Variants in IL7 observed in about 807,000 individuals in gnomAD.
IL7 encodes interleukin 7, also known as interleukin-7.
In IL7, 3 loss-of-function variants were observed where a neutral mutation model predicts 21.6. The observed-to-expected ratio is 0.14, with a 90% CI of 0.06 to 0.36. IL7 has a LOEUF of 0.36. IL7 is among the 10% of genes least tolerant of loss of function. IL7 has a pLI of 1.00. For synonymous variants in IL7, 62 were observed against 68.1 expected, an observed-to-expected ratio of 0.91 and a Z score of 0.44; for missense variants, 175 against 200.2, an observed-to-expected ratio of 0.87 and a Z score of 0.76.
rs185613499 is a variant in IL7, at chr8:78,761,772, G to A, written c.148-21690C>T. On this transcript the variant is annotated intron_variant, in intron 2 of 5. Coordinates refer to ENST00000263851, the MANE Select transcript of IL7 (RefSeq NM_000880.4). ...GTGTTAACTGCTGTTGTCTCAAACC[G>A]CTTTCTCAGAACCTCTTCACCAGAA... 8.1e-4 allele frequency: 1,303 copies of A among 1,611,924 alleles called. 16 individuals are homozygous for A. The African/African-American group carries it at 0.015, about 19-fold the overall frequency.
At chr8:78,689,342 C>A (rs764732047) in intron 3 of IL7, 2 of 1,596,944 alleles carry the variant, frequency 1.3e-6, no homozygotes, top group Non-Finnish European at 8.5e-7. Context: ...TCTACAGATA[C>A]CAAAGGAAAA....
chr8:78,707,727 T>C (rs1295941161), intron 3 of IL7, among the ~76,000 whole-genome samples: 3 of 152,184 alleles, frequency 2.0e-5, no homozygotes, highest in Non-Finnish European at 4.4e-5. Flanking sequence ...TTCCAACTAC[T>C]GGAAAGAGAG....
At chr8:78,719,389 G>A (rs549761082) in intron 5 of IL7, 1 of 151,566 alleles carries the variant, frequency 6.6e-6, no homozygotes, top group Non-Finnish European at 1.5e-5. Context: ...TAGTTCCAGA[G>A]CCCAGAGATT....
At chr8:78,750,620 G>A (rs1335500397) in intron 2 of IL7, among the ~76,000 whole-genome samples, 2 of 152,084 alleles carry the variant, frequency 1.3e-5, no homozygotes. Flanking sequence ...TCAGGAGATC[G>A]AGACCATCCT....
At chr8:78,798,701 A>G (rs1271275515) in intron 1 of IL7, among the ~76,000 whole-genome samples, 2 of 152,060 alleles carry the variant, frequency 1.3e-5, no homozygotes, top group African/African-American at 2.4e-5. Context: ...CTGGGATTGC[A>G]CTGTAACTAC....
intron 2 of IL7, chr8:78,761,218 G>A (rs2130762638): frequency 3.8e-6 from 6 of 1,594,600 alleles, no homozygotes; most frequent in South Asian, 1.1e-5. Flanking sequence ...CAGAAATTAC[G>A]TTGTCAAGTT....
chr8:78,697,976 G>A (rs1007573175), intron 3 of IL7, among the ~76,000 whole-genome samples: 6 of 151,984 alleles, frequency 3.9e-5, no homozygotes, highest in Non-Finnish European at 5.9e-5. Flanking sequence ...CCGTGGTGCC[G>A]AGCCACTTTT....
chr8:78,728,496 A>G (rs968569232), downstream of IL7, among the ~76,000 whole-genome samples: 1 of 152,070 alleles, frequency 6.6e-6, no homozygotes, highest in Non-Finnish European at 1.5e-5. Flanking sequence ...AAAATTTACA[A>G]TAGTGCAAAG....
At chr8:78,750,570 T>TAA (rs1812132719) in intron 2 of IL7, among the ~76,000 whole-genome samples, 1 of 152,180 alleles carries the variant, frequency 6.6e-6, no homozygotes, top group Non-Finnish European at 1.5e-5. Context: ...ACGCCTGTAA[T>TAA]CCCAGCACTT....
intron 3 of IL7, among the ~76,000 whole-genome samples, chr8:78,707,066 A>G (rs757910032): frequency 3.0e-4 from 45 of 152,170 alleles, no homozygotes; most frequent in Non-Finnish European, 5.7e-4. Flanking sequence ...TTCTCCAATG[A>G]GTTGACTCAT....
intron 2 of IL7, among the ~76,000 whole-genome samples, chr8:78,788,981 A>G (rs1373768698): frequency 6.6e-6 from 1 of 152,114 alleles, no homozygotes; most frequent in Non-Finnish European, 1.5e-5. Flanking sequence ...CACCCTCTTT[A>G]TATCCATGAT....
chr8:78,734,701 T>C (rs1037286466), intron 5 of IL7, among the ~76,000 whole-genome samples: 1 of 152,068 alleles, frequency 6.6e-6, no homozygotes, highest in Non-Finnish European at 1.5e-5. Context: ...TTATAACTAG[T>C]TATTGGGTAA....
chr8:78,740,862 C>T (rs1420140959), intron 2 of IL7, among the ~76,000 whole-genome samples: 2 of 151,306 alleles, frequency 1.3e-5, no homozygotes, highest in African/African-American at 2.4e-5. Flanking sequence ...CTGATATGTG[C>T]GCTATTTTTT....
downstream of IL7, among the ~76,000 whole-genome samples, chr8:78,716,271 C>T (rs574925064): frequency 1.1e-3 from 166 of 151,438 alleles, no homozygotes; most frequent in Admixed American, 1.7e-3. Flanking sequence ...TACAGGCGCC[C>T]GCCACCACGC....
At chr8:78,706,497 G>T (rs555630267) in intron 3 of IL7, among the ~76,000 whole-genome samples, 1 of 152,126 alleles carries the variant, frequency 6.6e-6, no homozygotes, top group Non-Finnish European at 1.5e-5. Flanking sequence ...GCAAAGATCC[G>T]TTGGAGAAGC....
intron 2 of IL7, among the ~76,000 whole-genome samples, chr8:78,744,066 T>C (rs949648541): frequency 1.3e-5 from 2 of 150,292 alleles, no homozygotes; most frequent in Non-Finnish European, 3.0e-5. Flanking sequence ...AGGAAGAGGA[T>C]TGGGGACCCA....
At chr8:78,715,841 A>G (rs1267490562), downstream of IL7, among the ~76,000 whole-genome samples, 1 of 151,884 alleles carries the variant, frequency 6.6e-6, no homozygotes, top group African/African-American at 2.4e-5. Context: ...GGAGTTTGAG[A>G]CTAGCCTGGC....
chr8:78,772,058 T>A (rs1178824982), intron 2 of IL7, among the ~76,000 whole-genome samples: 1 of 152,114 alleles, frequency 6.6e-6, no homozygotes, highest in Non-Finnish European at 1.5e-5. Context: ...GCAAGCAATA[T>A]CTAACAACTG....
chr8:78,802,436 T>C (rs191434117), intron 1 of IL7, among the ~76,000 whole-genome samples: 1,564 of 146,126 alleles, frequency 0.011, 8 homozygotes, highest in Non-Finnish European at 0.012. Flanking sequence ...TTCTCTCTCT[T>C]TTTTTTTTTT....
Sources: gnomAD v4.1 joint callset for allele counts (sites outside exome capture counted in the v4.1 genomes callset) on GRCh38, gnomAD v4.1.1 for gene constraint, MANE v1.5 for transcripts, NCBI Gene and HGNC (gene_info 2026-07-23, HGNC 2026-07-21) for gene names.